TGFA: variants seen among roughly 807,000 people sequenced by gnomAD.
The protein encoded by TGFA is transforming growth factor alpha.
TGFA carries 12 observed loss-of-function variants against 21.7 expected under a neutral mutation model. That is an observed-to-expected ratio of 0.55 (90% CI 0.35 to 0.90). TGFA has a LOEUF of 0.90. Among genes scored for constraint, TGFA ranks in the 40% least tolerant of loss-of-function variants. TGFA has a pLI of 0.01. For missense variants in TGFA, 178 were observed against 210.8 expected (o/e 0.84, Z 0.96); for synonymous variants, 79 against 88.1 (o/e 0.90, Z 0.58).
chr2:70,549,434 A>T (rs926556903), intron 1 of TGFA, among the ~76,000 whole-genome samples: 1 of 152,176 alleles, frequency 6.6e-6, no homozygotes. Context: ...AACATACGCC[A>T]CACCTGGGAA....
intron 1 of TGFA, among the ~76,000 whole-genome samples, chr2:70,548,997 T>C (rs1330588202): frequency 4.6e-5 from 7 of 152,186 alleles, no homozygotes; most frequent in Non-Finnish European, 8.8e-5. Flanking sequence ...TCTTCCTCTA[T>C]CTAAGTGCAG....
At chr2:70,470,909 AAGTTT>A (rs1443723646) in intron 2 of TGFA, among the ~76,000 whole-genome samples, 2 of 152,204 alleles carry the variant, frequency 1.3e-5, no homozygotes, top group African/African-American at 4.8e-5. Context: ...ACTTTTTCAA[AAGTTT>A]CAAGACATTT....
rs561779366 is a variant in TGFA, at chr2:70,521,707, C to T, written c.41-6795G>A. ...TTGGCTCACTGCAACCTCTGCCTTC[C>T]GAATTCAAGCGATTCTTCTGCCTCC... On this transcript the variant is annotated intron_variant, in intron 1 of 5. Coordinates refer to ENST00000295400, the MANE Select transcript of TGFA (RefSeq NM_003236.4). 1.8e-4 allele frequency among the ~76,000 whole-genome samples: 26 copies of T among 143,670 alleles called. No homozygotes were observed. The South Asian group carries it at 2.2e-3, about 12-fold the overall frequency. The allele number at this position is 143,670 out of a possible 152,430, so 94.3% of individuals were successfully genotyped here. A position where few individuals can be genotyped will look rare whatever the true frequency, so the allele number is the denominator to read the frequency against.
chr2:70,514,769 G>A (rs1486908286), intron 2 of TGFA, 90 bp downstream of exon 2: 39 of 1,378,812 alleles, frequency 2.8e-5, no homozygotes, highest in Non-Finnish European at 7.1e-6. Flanking sequence ...GTGGGCAGGA[G>A]GCCAGGGAGG....
intron 1 of TGFA, among the ~76,000 whole-genome samples, chr2:70,540,603 G>A (rs1017770254): frequency 1.3e-5 from 2 of 152,088 alleles, no homozygotes; most frequent in African/African-American, 4.8e-5. Flanking sequence ...AGATCAAAGA[G>A]TCACAGAAAA....
chr2:70,515,722 G>A (rs1184089742), intron 1 of TGFA, among the ~76,000 whole-genome samples: 6 of 152,212 alleles, frequency 3.9e-5, no homozygotes, highest in South Asian at 4.1e-4. Context: ...CCACCATGCC[G>A]TACCCTGAGA....
chr2:70,538,220 C>T (rs1553504738), intron 1 of TGFA, among the ~76,000 whole-genome samples: 1 of 152,212 alleles, frequency 6.6e-6, no homozygotes, highest in Non-Finnish European at 1.5e-5. Context: ...ATTGACAATG[C>T]ACCTGGGTCG....
intron 1 of TGFA, among the ~76,000 whole-genome samples, chr2:70,525,383 C>T (rs1204342783): frequency 1.3e-5 from 2 of 152,164 alleles, no homozygotes; most frequent in African/African-American, 4.8e-5. Flanking sequence ...TCCCCACTGT[C>T]CACCTTGGGG....
rs189762739 is a variant in TGFA at position 70,540,318 on chromosome 2, G to A, written c.40+13410C>T. Among the ~76,000 whole-genome samples the A allele has an allele frequency of 1.2e-3, 183 of 152,228 alleles. 6 individuals are homozygous for A. Among genetic ancestry groups the A allele is most frequent in the Admixed American group, 0.012 (179 of 15,280 alleles). The stretch of plus-strand genomic sequence containing the variant: ...ATAACACATTCCAACTCATAAGAGT[G>A]GTTCATTATAGCCATGATCCTTAGA... On this transcript the variant is annotated intron_variant, in intron 1 of 5. Coordinates refer to ENST00000295400, the MANE Select transcript of TGFA (RefSeq NM_003236.4).
At chr2:70,508,796 T>G (rs1187169106) in intron 2 of TGFA, among the ~76,000 whole-genome samples, 4 of 152,214 alleles carry the variant, frequency 2.6e-5, no homozygotes, top group African/African-American at 7.2e-5. Flanking sequence ...TTCATTCCAC[T>G]CCTTCATTTT....
chr2:70,492,307 G>A (rs1671459686), intron 2 of TGFA, among the ~76,000 whole-genome samples: 1 of 152,160 alleles, frequency 6.6e-6, no homozygotes, highest in Non-Finnish European at 1.5e-5. Flanking sequence ...GGTGAAGGTG[G>A]AGCCCAGAGG....
intron 1 of TGFA, among the ~76,000 whole-genome samples, chr2:70,515,829 G>A (rs1441433038): frequency 2.6e-5 from 4 of 152,124 alleles, no homozygotes; most frequent in Non-Finnish European, 5.9e-5. Context: ...CAGGACCACG[G>A]GAACAAAGCC....
intron 1 of TGFA, among the ~76,000 whole-genome samples, chr2:70,520,090 A>G (rs1247545540): frequency 1.3e-5 from 2 of 152,214 alleles, no homozygotes; most frequent in East Asian, 1.9e-4. Flanking sequence ...CACCATGAGC[A>G]CCCACTGAAC....
intron 1 of TGFA, among the ~76,000 whole-genome samples, chr2:70,528,559 G>C (rs1672713427): frequency 6.6e-6 from 1 of 152,176 alleles, no homozygotes; most frequent in African/African-American, 2.4e-5. Context: ...CTAGTAGAAA[G>C]GTTGACAGGC....
intron 2 of TGFA, among the ~76,000 whole-genome samples, chr2:70,466,423 C>T (rs541351501): frequency 3.3e-5 from 5 of 152,196 alleles, no homozygotes; most frequent in African/African-American, 4.8e-5. Flanking sequence ...AGGAGAATGG[C>T]GAGAACCCCG....
intron 1 of TGFA, among the ~76,000 whole-genome samples, chr2:70,536,765 C>T (rs573041437): frequency 2.6e-5 from 4 of 152,266 alleles, no homozygotes; most frequent in South Asian, 2.1e-4. Flanking sequence ...AAAATCAATA[C>T]GCTAAGCTTC....
In TGFA at chr2:70,463,912, A is replaced by G. The variant is rs80111523; in HGVS notation, c.215+1704T>C. Among the ~76,000 whole-genome samples the G allele has an allele frequency of 4.3e-3, 660 of 152,346 alleles. 3 individuals carry two copies. Among genetic ancestry groups the G allele is most frequent in the African/African-American group, 0.014 (590 of 41,586 alleles). ...AAGAATGATAATCATGAATAATGACAGTGTCTATCATCATCATCATCGTGC... is the reference window on the plus strand; with the variant it reads ...AAGAATGATAATCATGAATAATGACGGTGTCTATCATCATCATCATCGTGC... On this transcript the variant is annotated intron_variant, in intron 3 of 5. Transcript: ENST00000295400.
At chr2:70,454,271 C>T (rs1345076161) in intron 4 of TGFA, among the ~76,000 whole-genome samples, 1 of 152,236 alleles carries the variant, frequency 6.6e-6, no homozygotes, top group Non-Finnish European at 1.5e-5. Context: ...TCACGATTCC[C>T]ATCCCAGCCC....
chr2:70,519,857 C>G (rs1553502021), intron 1 of TGFA, among the ~76,000 whole-genome samples: 2 of 152,214 alleles, frequency 1.3e-5, no homozygotes, highest in East Asian at 3.9e-4. Context: ...CCACAACCCC[C>G]TACCACTTTC....
Sources: gnomAD v4.1 joint callset for allele counts (sites outside exome capture counted in the v4.1 genomes callset) on GRCh38, gnomAD v4.1.1 for gene constraint, MANE v1.5 for transcripts, NCBI Gene and HGNC (gene_info 2026-07-23, HGNC 2026-07-21) for gene names.